The following C16orf74 variants were observed in gnomAD, a reference collection of about 807,000 sequenced individuals.
C16orf74 encodes uncharacterized protein C16orf74.
In C16orf74, 10 loss-of-function variants were observed where a neutral mutation model predicts 6.5. That is an observed-to-expected ratio of 1.54 (90% CI 0.95 to 2.61). C16orf74 has a LOEUF of 2.61. C16orf74 is among the 30% of genes most tolerant of loss of function. The pLI, the probability that C16orf74 is intolerant of heterozygous loss-of-function variation, is 0.00. For missense variants in C16orf74, 141 were observed against 105.9 expected, an observed-to-expected ratio of 1.33 and a Z score of -1.45; for synonymous variants, 60 against 42.5, an observed-to-expected ratio of 1.41 and a Z score of -1.60.
chr16:85,728,635 G>A (rs2054157943), intron 2 of C16orf74, among the ~76,000 whole-genome samples: 1 of 152,206 alleles, frequency 6.6e-6, no homozygotes, highest in Non-Finnish European at 1.5e-5. Context: ...TCTTCCTGCA[G>A]AGGCCCCCGC....
rs1433821966 is a variant in C16orf74, at chr16:85,721,684, CA to C, written c.29-11378del. On this transcript the variant is annotated intron_variant, in intron 2 of 3. Transcript: ENST00000284245. Reference sequence around the variant, plus strand: ...GCCCGTCACCCACGGTCTTCAAAGACAGGGGTAATTGTCATTCACTGCAACA... The same window carrying C: ...GCCCGTCACCCACGGTCTTCAAAGACGGGGTAATTGTCATTCACTGCAACA... Among the ~76,000 whole-genome samples the C allele has an allele frequency of 3.9e-5, 6 of 152,234 alleles. No homozygotes were observed. In the South Asian group the frequency reaches 6.2e-4, roughly 16 times the overall value.
chr16:85,750,877 G>A (rs1414849393), intron 1 of C16orf74, 49 bp downstream of exon 1: 1 of 151,850 alleles, frequency 6.6e-6, no homozygotes, highest in Non-Finnish European at 1.5e-5. Context: ...CTCGGGGAAG[G>A]CGGGCGTCCC....
chr16:85,709,398 T>C (rs534737543), intron 3 of C16orf74, among the ~76,000 whole-genome samples: 2 of 152,242 alleles, frequency 1.3e-5, no homozygotes, highest in Admixed American at 1.3e-4. Context: ...ATGAAATCTG[T>C]ACTTAACTCT....
chr16:85,736,535 A>C (rs927269001), intron 1 of C16orf74, among the ~76,000 whole-genome samples: 1 of 152,066 alleles, frequency 6.6e-6, no homozygotes, highest in African/African-American at 2.4e-5. Context: ...CATGGGTGGG[A>C]GATACCACCA....
chr16:85,748,449 T>C (rs2054398480), intron 1 of C16orf74, among the ~76,000 whole-genome samples: 1 of 151,678 alleles, frequency 6.6e-6, no homozygotes, highest in Admixed American at 6.6e-5. Context: ...AATACAAAAA[T>C]TAGCCGGGCA....
At chr16:85,714,272 C>T (rs2053997451) in intron 2 of C16orf74, among the ~76,000 whole-genome samples, 1 of 152,068 alleles carries the variant, frequency 6.6e-6, no homozygotes, top group South Asian at 2.1e-4. Context: ...CTTCCCTCCC[C>T]TCATTCTCAA....
At chr16:85,711,074 G>C (rs2053964599) in intron 2 of C16orf74, among the ~76,000 whole-genome samples, 1 of 151,770 alleles carries the variant, frequency 6.6e-6, no homozygotes, top group African/African-American at 2.4e-5. Context: ...AGCACTTTCG[G>C]AGGCCAAGGC....
At chr16:85,738,103 A>G (rs1454813309) in intron 1 of C16orf74, among the ~76,000 whole-genome samples, 1 of 151,522 alleles carries the variant, frequency 6.6e-6, no homozygotes, top group East Asian at 2.0e-4. Flanking sequence ...AAATTAGTCA[A>G]GTGTGGTGGC....
intron 3 of C16orf74, among the ~76,000 whole-genome samples, chr16:85,709,708 C>T (rs2053948390): frequency 6.6e-6 from 1 of 152,178 alleles, no homozygotes; most frequent in Non-Finnish European, 1.5e-5. Context: ...TCTATTTCCT[C>T]GCCGCTCCCA....
At chr16:85,745,890 T>A (rs2054368138) in intron 1 of C16orf74, among the ~76,000 whole-genome samples, 1 of 152,200 alleles carries the variant, frequency 6.6e-6, no homozygotes, top group African/African-American at 2.4e-5. Flanking sequence ...CTTGTGTGGA[T>A]CACAGAAGTT....
intron 1 of C16orf74, among the ~76,000 whole-genome samples, chr16:85,746,576 G>A (rs1381944832): frequency 2.0e-5 from 3 of 152,132 alleles, no homozygotes; most frequent in African/African-American, 4.8e-5. Flanking sequence ...AGTCACGGTG[G>A]CACCTTGCCC....
At chr16:85,721,956 T>C (rs961093196) in intron 2 of C16orf74, among the ~76,000 whole-genome samples, 7 of 150,400 alleles carry the variant, frequency 4.7e-5, no homozygotes, top group African/African-American at 1.7e-4. Flanking sequence ...GTTAGCCTTC[T>C]CATTGGAATA....
intron 1 of C16orf74, among the ~76,000 whole-genome samples, chr16:85,740,843 A>AAAAG (rs1555588260): frequency 2.6e-4 from 40 of 151,210 alleles, no homozygotes; most frequent in East Asian, 1.2e-3. Flanking sequence ...AAAAAAAAAA[A>AAAAG]AAAGAAAGAA....
At chr16:85,732,859 G>C (rs2152063407) in intron 2 of C16orf74, among the ~76,000 whole-genome samples, 1 of 152,230 alleles carries the variant, frequency 6.6e-6, no homozygotes. Context: ...CGCTGTTCCA[G>C]CACTTAGCAC....
At chr16:85,714,254 G>A (rs2053997319) in intron 2 of C16orf74, among the ~76,000 whole-genome samples, 1 of 152,038 alleles carries the variant, frequency 6.6e-6, no homozygotes, top group East Asian at 1.9e-4. Flanking sequence ...CCTGTGCACA[G>A]CCACTCACTT....
intron 1 of C16orf74, among the ~76,000 whole-genome samples, chr16:85,742,605 G>A (rs1050191422): frequency 1.5e-4 from 23 of 151,984 alleles, no homozygotes; most frequent in African/African-American, 5.1e-4. Flanking sequence ...GCAATGGTGC[G>A]ATCTCGGCTC....
intron 2 of C16orf74, among the ~76,000 whole-genome samples, chr16:85,719,390 C>G (rs1202300510): frequency 6.6e-6 from 1 of 152,150 alleles, no homozygotes; most frequent in Non-Finnish European, 1.5e-5. Flanking sequence ...GTGATTCAAG[C>G]TATCACTGGG....
intron 2 of C16orf74, among the ~76,000 whole-genome samples, chr16:85,717,320 C>G (rs1237203160): frequency 6.6e-6 from 1 of 152,230 alleles, no homozygotes; most frequent in Non-Finnish European, 1.5e-5. Context: ...CATCACCTAT[C>G]CAGGGCCTCA....
intron 2 of C16orf74, among the ~76,000 whole-genome samples, chr16:85,717,925 T>C (rs1230568237): frequency 6.6e-6 from 1 of 152,056 alleles, no homozygotes; most frequent in African/African-American, 2.4e-5. Context: ...ACATCCAGGC[T>C]CTGTGGAGGA....
Sources: gnomAD v4.1 joint callset for allele counts (sites outside exome capture counted in the v4.1 genomes callset) on GRCh38, gnomAD v4.1.1 for gene constraint, MANE v1.5 for transcripts, NCBI Gene and HGNC (gene_info 2026-07-23, HGNC 2026-07-21) for gene names.